Variants in NSD1 observed in about 807,000 individuals in gnomAD.
The protein encoded by NSD1 is nuclear receptor binding SET domain protein 1.
In NSD1, 26 loss-of-function variants were observed where a neutral mutation model predicts 242.7. That is an observed-to-expected ratio of 0.11 (90% CI 0.08 to 0.15). The LOEUF is 0.15. Among genes scored for constraint, NSD1 ranks in the 10% least tolerant of loss-of-function variants. The probability of loss-of-function intolerance (pLI) is 1.00; values close to 1 mark genes in which losing one functional copy is unlikely to be tolerated. For missense variants in NSD1, 2,495 were observed against 3,272.8 expected, an observed-to-expected ratio of 0.76 and a Z score of 5.80; for synonymous variants, 1,106 against 1,178.1, an observed-to-expected ratio of 0.94 and a Z score of 1.25.
intron 2 of NSD1, among the ~76,000 whole-genome samples, chr5:177,189,543 A>G (rs1761503817): frequency 6.6e-6 from 1 of 152,178 alleles, no homozygotes; most frequent in African/African-American, 2.4e-5. Context: ...GGATAACAGG[A>G]GAGTGGTTTA....
intron 3 of NSD1, among the ~76,000 whole-genome samples, chr5:177,196,349 A>G (rs1245215661): frequency 1.3e-5 from 2 of 152,238 alleles, no homozygotes; most frequent in African/African-American, 4.8e-5. Flanking sequence ...GGATTGTTGA[A>G]CATGTGTTAG....
intron 4 of NSD1, 91 bp from the exon 5 acceptor site, chr5:177,209,543 AAG>A (rs200287779): frequency 0.015 from 12,717 of 848,512 alleles, 35 homozygotes; most frequent in East Asian, 0.1. Flanking sequence ...AAAAAAAAAA[AAG>A]GAATAAAAAA....
At chr5:177,156,244 G>GAT (rs954527432) in intron 2 of NSD1, among the ~76,000 whole-genome samples, 20 of 138,666 alleles carry the variant, frequency 1.4e-4, no homozygotes, top group African/African-American at 5.4e-4. Flanking sequence ...GCAGTGGCGC[G>GAT]ATCTTGGCTC....
At chr5:177,293,740 A>G in intron 22 of NSD1, 92 bp from the exon 23 acceptor site, 1 of 1,396,718 alleles carries the variant, frequency 7.2e-7, no homozygotes, top group Non-Finnish European at 1.0e-6. Context: ...AAGGAAGGTC[A>G]TCATCCACAC....
At chr5:177,195,908 T>C (rs1334281382) in intron 3 of NSD1, among the ~76,000 whole-genome samples, 1 of 152,142 alleles carries the variant, frequency 6.6e-6, no homozygotes, top group Non-Finnish European at 1.5e-5. Flanking sequence ...CTTGCTCTCA[T>C]GAGAAATTAG....
chr5:177,196,547 A>T (rs1411510879), intron 3 of NSD1, among the ~76,000 whole-genome samples: 1 of 152,234 alleles, frequency 6.6e-6, no homozygotes, highest in Non-Finnish European at 1.5e-5. Flanking sequence ...TTTCCATATC[A>T]TAGGATGGCT....
intron 2 of NSD1, among the ~76,000 whole-genome samples, chr5:177,158,311 TTTTCTTTCTTTTCTTTCTTTTCTTTC>T (rs1758366600): frequency 6.8e-6 from 1 of 147,672 alleles, no homozygotes; most frequent in Non-Finnish European, 1.5e-5. Context: ...CTTTTCTTTC[TTTTCTTTCTTTTCTTTCTTTTCTTTC>T]TTTCTTTCTT....
chr5:177,155,900 T>TA (rs1016095264), intron 2 of NSD1, among the ~76,000 whole-genome samples: 4 of 151,658 alleles, frequency 2.6e-5, no homozygotes, highest in African/African-American at 9.7e-5. Context: ...GAGACAGGTT[T>TA]CACCATGTCG....
rs77003867 is a variant in NSD1 at position 177,226,467 on chromosome 5, G to A, written c.3797-9354G>A. ...TTGGTATGTGTGAGAGAACCTGAAA[G>A]ATAAATTGCTATCGAGGTTTATTTA... is the stretch of plus-strand genomic sequence containing the variant. On this transcript the variant is annotated intron_variant, in intron 5 of 22. Coordinates refer to ENST00000439151, the MANE Select transcript of NSD1 (RefSeq NM_022455.5). Among the ~76,000 whole-genome samples the A allele has an allele frequency of 2.6e-5, 4 of 152,302 alleles. No individual in the cohort carries two copies. The East Asian group carries it at 7.7e-4, about 29-fold the overall frequency.
chr5:177,283,822 T>C lies in NSD1; in HGVS notation c.6045T>C (p.Tyr2015=), dbSNP rs745760201. The C allele has an allele frequency of 4.5e-5, 73 of 1,614,108 alleles. No individual in the cohort carries two copies. The Admixed American group carries it at 1.0e-3, about 23-fold the overall frequency. The change falls in exon 20 of 23, where the codon TAT becomes TAC. Residue 2015 remains tyrosine (Y), a synonymous_variant. Transcript: ENST00000439151. ...RIIDAGPKGN[Y]ARFMNHCCQP... is the part of the protein sequence containing the mutation. ...TTGATGCTGGTCCCAAAGGAAACTA[T>C]GCTCGGTTCATGAATCATTGCTGCC...
intron 18 of NSD1, 108 bp from the exon 19 acceptor site, chr5:177,282,357 A>G: frequency 1.3e-6 from 1 of 797,214 alleles, no homozygotes; most frequent in Non-Finnish European, 2.3e-6. Flanking sequence ...TACTCATGTA[A>G]TCTGCTTTGT....
intron 17 of NSD1, among the ~76,000 whole-genome samples, chr5:177,276,007 C>T (rs975483965): frequency 2.6e-5 from 4 of 152,152 alleles, no homozygotes; most frequent in Admixed American, 6.5e-5. Context: ...CTGCAACCTC[C>T]GCTTCGTGGG....
intron 5 of NSD1, among the ~76,000 whole-genome samples, chr5:177,228,845 A>G (rs1764833052): frequency 1.3e-5 from 2 of 152,182 alleles, no homozygotes; most frequent in African/African-American, 4.8e-5. Flanking sequence ...ACTATTTGCA[A>G]ATTTAATGTG....
chr5:177,279,149 T>G (rs1269045037), intron 17 of NSD1, among the ~76,000 whole-genome samples: 1 of 152,144 alleles, frequency 6.6e-6, no homozygotes, highest in Non-Finnish European at 1.5e-5. Context: ...GAACTCAAAT[T>G]ACACACAGAT....
chr5:177,297,244 A>C lies in NSD1; in HGVS notation c.*1785A>C, dbSNP rs536973009. 1 of 232,286 alleles carries C rather than the reference A, an allele frequency of 4.3e-6. No homozygotes were observed. Among genetic ancestry groups the C allele is most frequent in the Admixed American group, 5.6e-5 (1 of 17,738 alleles). 14.4% of individuals were successfully genotyped at this position (232,286 alleles called of 1,614,324 possible). A position where few individuals can be genotyped will look rare whatever the true frequency, so the allele number is the denominator to read the frequency against. On this transcript the variant is annotated 3_prime_UTR_variant, in exon 23 of 23. Coordinates refer to ENST00000439151, the MANE Select transcript of NSD1 (RefSeq NM_022455.5). Reference sequence around the variant, plus strand: ...CCTCGGAATCTCCTCTGTGAATTCCACCTGCCTAGTTCTCCCCTTTCATCC... The same window carrying C: ...CCTCGGAATCTCCTCTGTGAATTCCCCCTGCCTAGTTCTCCCCTTTCATCC...
At chr5:177,131,993 GC>G (rs1755918213), upstream of NSD1, among the ~76,000 whole-genome samples, 1 of 152,244 alleles carries the variant, frequency 6.6e-6, no homozygotes, top group African/African-American at 2.4e-5. Flanking sequence ...TGGGGGAAGG[GC>G]CCGAGGGGCT....
chr5:177,172,346 T>C (rs1759781698), intron 2 of NSD1, among the ~76,000 whole-genome samples: 1 of 152,140 alleles, frequency 6.6e-6, no homozygotes, highest in Admixed American at 6.6e-5. Context: ...TTGTCTTTTT[T>C]TTTTCCATCT....
intron 2 of NSD1, among the ~76,000 whole-genome samples, chr5:177,168,028 A>G (rs1402031726): frequency 1.3e-5 from 2 of 152,188 alleles, no homozygotes; most frequent in Admixed American, 1.3e-4. Flanking sequence ...GGCCATTGGA[A>G]TTTTCATCGG....
chr5:177,219,157 C>T (rs1764035452), intron 5 of NSD1, among the ~76,000 whole-genome samples: 2 of 151,014 alleles, frequency 1.3e-5, no homozygotes, highest in African/African-American at 4.9e-5. Context: ...AGACTTCTCT[C>T]TTAGTAGTGT....
Sources: gnomAD v4.1 joint callset for allele counts (sites outside exome capture counted in the v4.1 genomes callset) on GRCh38, gnomAD v4.1.1 for gene constraint, MANE v1.5 for transcripts, NCBI Gene and HGNC (gene_info 2026-07-23, HGNC 2026-07-21) for gene names.